Variants in GLT6D1 observed in about 807,000 individuals in gnomAD.
GLT6D1 encodes the protein putative glycosyltransferase 6 domain-containing protein 1.
GLT6D1 carries 9 observed loss-of-function variants against 12.3 expected under a neutral mutation model. That is an observed-to-expected ratio of 0.73 (90% CI 0.44 to 1.27). The LOEUF is 1.27. GLT6D1 is among the 50% of genes most tolerant of loss of function. GLT6D1 has a pLI of 0.00. For synonymous variants in GLT6D1, 128 were observed against 132.3 expected (o/e 0.97, Z 0.23); for missense variants, 335 against 346.2 (o/e 0.97, Z 0.26).
intron 3 of GLT6D1, among the ~76,000 whole-genome samples, chr9:135,628,343 G>C (rs1383196301): frequency 6.6e-6 from 1 of 151,926 alleles, no homozygotes; most frequent in Admixed American, 6.6e-5. Context: ...TGATCCTGAG[G>C]TTTTTATATT....
At chr9:135,624,691 A>G in intron 4 of GLT6D1, 21 bp from the exon 5 acceptor site, 1 of 1,335,274 alleles carries the variant, frequency 7.5e-7, no homozygotes, top group African/African-American at 1.5e-5. Flanking sequence ...CACAGTGGGG[A>G]AGAAACTTAC....
intron 3 of GLT6D1, 34 bp from the exon 4 acceptor site, chr9:135,626,240 C>G (rs374992885): frequency 6.2e-7 from 1 of 1,608,948 alleles, no homozygotes; most frequent in African/African-American, 1.3e-5. Flanking sequence ...ACAGGGAGTG[C>G]TTTACTGAGG....
At chr9:135,637,837 C>T (rs1449182718) in intron 2 of GLT6D1, among the ~76,000 whole-genome samples, 1 of 152,144 alleles carries the variant, frequency 6.6e-6, no homozygotes, top group African/African-American at 2.4e-5. Context: ...TTACCAGATA[C>T]ATGTTGTGCA....
chr9:135,638,484 C>T (rs974756468), intron 2 of GLT6D1, among the ~76,000 whole-genome samples: 6 of 152,150 alleles, frequency 3.9e-5, no homozygotes, highest in African/African-American at 1.4e-4. Flanking sequence ...AAGATGGAAA[C>T]TTGAGATAGT....
intron 3 of GLT6D1, among the ~76,000 whole-genome samples, chr9:135,629,261 T>A (rs1434976366): frequency 6.6e-6 from 1 of 152,176 alleles, no homozygotes; most frequent in African/African-American, 2.4e-5. Context: ...TTTATAGCTA[T>A]AAATTTCTCA....
chr9:135,633,103 G>T (rs886415200), intron 2 of GLT6D1, among the ~76,000 whole-genome samples: 1 of 152,162 alleles, frequency 6.6e-6, no homozygotes, highest in Non-Finnish European at 1.5e-5. Flanking sequence ...TGTCTTCAGG[G>T]ATTAGAGCTG....
rs1833847231 is a variant in GLT6D1, at chr9:135,639,432, A to G, written c.-146T>C. 8.2e-6 allele frequency: 3 copies of G among 366,468 alleles called. No individual in the cohort carries two copies. Among genetic ancestry groups the G allele is most frequent in the South Asian group, 4.9e-5 (1 of 20,562 alleles). 22.7% of individuals were successfully genotyped at this position (366,468 alleles called of 1,614,324 possible). ...GTGCACTGTCTCTCCCCGTGTTCACATCAAAGTCTGCGTTGATTGCATGAA... is the reference window on the plus strand; with the variant it reads ...GTGCACTGTCTCTCCCCGTGTTCACGTCAAAGTCTGCGTTGATTGCATGAA... On this transcript the variant is annotated 5_prime_UTR_variant, in exon 1 of 5. It removes an upstream start codon present in the reference 5' UTR. Coordinates refer to ENST00000371763, the MANE Select transcript of GLT6D1 (RefSeq NM_182974.3).
At chr9:135,634,438 T>A (rs1188352026) in intron 2 of GLT6D1, among the ~76,000 whole-genome samples, 2 of 111,878 alleles carry the variant, frequency 1.8e-5, no homozygotes, top group East Asian at 5.4e-4. Flanking sequence ...TTGTTTTTCC[T>A]TTCCTTTTTT....
At chr9:135,638,854 C>T (rs983837139) in intron 2 of GLT6D1, among the ~76,000 whole-genome samples, 5 of 152,122 alleles carry the variant, frequency 3.3e-5, no homozygotes, top group Non-Finnish European at 7.4e-5. Context: ...GCCTGGACAA[C>T]ATAAGTCTCT....
At position 135,626,130 on chromosome 9, in the gene GLT6D1, G is replaced by A; in HGVS notation, c.196C>T (p.Leu66=). ...TTCCGCCTTCTGTAATGTTTTTCCA[G>A]GACCCGCCTGTCGAAAGTCCCTTCC... ...LWEGTFDRRV[L]EKHYRRRNIT... is the part of the protein sequence containing the mutation. Residue 66 remains leucine (L), a synonymous_variant, in exon 4 of 5, where the codon CTG becomes TTG. Transcript: ENST00000371763. The A allele has an allele frequency of 6.2e-7, 1 of 1,614,122 alleles. No homozygotes were observed. Among genetic ancestry groups the A allele is most frequent in the Non-Finnish European group, 8.5e-7 (1 of 1,180,004 alleles).
intron 3 of GLT6D1, among the ~76,000 whole-genome samples, chr9:135,628,283 T>C (rs1833562215): frequency 6.6e-6 from 1 of 151,526 alleles, no homozygotes; most frequent in Non-Finnish European, 1.5e-5. Flanking sequence ...GGTATTTATA[T>C]TTTTTTAAGT....
intron 2 of GLT6D1, among the ~76,000 whole-genome samples, chr9:135,632,862 T>G (rs1458696320): frequency 6.6e-6 from 1 of 152,094 alleles, no homozygotes; most frequent in Non-Finnish European, 1.5e-5. Flanking sequence ...GAGATGTGGT[T>G]TCACAATGTT....
At chr9:135,624,727 T>TC (rs920325509) in intron 4 of GLT6D1, 57 bp from the exon 5 acceptor site, 4 of 307,172 alleles carry the variant, frequency 1.3e-5, no homozygotes, top group African/African-American at 8.1e-5. Context: ...TTTCTTTCTT[T>TC]TTTTTTTTTT....
chr9:135,637,687 T>A (rs1833806946), intron 2 of GLT6D1, among the ~76,000 whole-genome samples: 1 of 152,196 alleles, frequency 6.6e-6, no homozygotes, highest in South Asian at 2.1e-4. Context: ...CATCTGTATA[T>A]CTTCTCTTGT....
At chr9:135,632,637 C>A (rs553427185) in intron 2 of GLT6D1, among the ~76,000 whole-genome samples, 3 of 150,770 alleles carry the variant, frequency 2.0e-5, no homozygotes, top group South Asian at 4.2e-4. Context: ...GTTATTGTAA[C>A]CTAAAGAAAA....
At chr9:135,635,021 C>A (rs1310222996) in intron 2 of GLT6D1, among the ~76,000 whole-genome samples, 1 of 152,236 alleles carries the variant, frequency 6.6e-6, no homozygotes, top group East Asian at 1.9e-4. Flanking sequence ...GGAGAATCTA[C>A]AGACATGATT....
chr9:135,638,084 A>C (rs2119155319), intron 2 of GLT6D1, among the ~76,000 whole-genome samples: 1 of 152,346 alleles, frequency 6.6e-6, no homozygotes, highest in South Asian at 2.1e-4. Flanking sequence ...ACAGTTCCAC[A>C]TGGCTGGGGA....
At chr9:135,625,326 G>A (rs1466300273) in intron 4 of GLT6D1, among the ~76,000 whole-genome samples, 1 of 152,148 alleles carries the variant, frequency 6.6e-6, no homozygotes, top group Non-Finnish European at 1.5e-5. Flanking sequence ...GAGAAACCCA[G>A]CACACCTTTT....
Position 135,624,222 on chromosome 9 carries a change from G to T in GLT6D1, c.706C>A (p.Pro236Thr), listed in dbSNP as rs748843467. The T allele has an allele frequency of 6.2e-7, 1 of 1,608,592 alleles. No homozygotes were observed. The highest frequency in any genetic ancestry group is 8.5e-7 in the Non-Finnish European group (1 of 1,178,202). ...YYGNLMVGGT[P>T]HNILDFIKEY... Reference sequence around the variant, plus strand: ...TTGATGAAGTCTAAAATATTATGGGGTGTGCCACCAACCATCAAGTTGCCA... The same window carrying T: ...TTGATGAAGTCTAAAATATTATGGGTTGTGCCACCAACCATCAAGTTGCCA... Residue 236 changes from proline to threonine, a missense_variant, in exon 5 of 5, where the codon CCC becomes ACC. Transcript: ENST00000371763.
Sources: allele counts gnomAD v4.1 joint callset (sites outside exome capture counted in the v4.1 genomes callset), GRCh38; gene constraint gnomAD v4.1.1; transcripts MANE v1.5; gene names NCBI Gene and HGNC (gene_info 2026-07-23, HGNC 2026-07-21).